ADAM22: variants seen among roughly 807,000 people sequenced by gnomAD.
The protein encoded by ADAM22 is ADAM metallopeptidase domain 22, also known as disintegrin and metalloproteinase domain-containing protein 22.
In ADAM22, 65 loss-of-function variants were observed where a neutral mutation model predicts 144.6. That is an observed-to-expected ratio of 0.45 (90% CI 0.37 to 0.55). The LOEUF (loss-of-function observed/expected upper bound fraction) is 0.55, where lower values mean the gene tolerates loss of function less well. ADAM22 is among the 20% of genes least tolerant of loss of function. ADAM22 has a pLI of 0.00. For missense variants in ADAM22, 974 were observed against 1,184.9 expected, an observed-to-expected ratio of 0.82 and a Z score of 2.61; for synonymous variants, 391 against 412.6, an observed-to-expected ratio of 0.95 and a Z score of 0.63.
chr7:88,129,919 G>A (rs986438683), intron 9 of ADAM22, among the ~76,000 whole-genome samples: 29 of 152,184 alleles, frequency 1.9e-4, no homozygotes, highest in African/African-American at 6.3e-4. Flanking sequence ...ATGCCACCTC[G>A]TTGTGACCTT....
intron 3 of ADAM22, among the ~76,000 whole-genome samples, chr7:87,985,267 C>T (rs1429106215): frequency 6.6e-6 from 1 of 150,650 alleles, no homozygotes; most frequent in East Asian, 1.9e-4. Context: ...GAGCCGAGAT[C>T]GCACCACTGC....
At position 88,200,259 on chromosome 7, in the gene ADAM22, TTTC is replaced by T. The variant is rs1170684005; in HGVS notation, c.*3771_*3773del. Reference sequence around the variant, plus strand: ...ACCATATATATAGTACTTTAAATATTTTCTTATGTTATTATTTAACACAATAAT... The same window carrying T: ...ACCATATATATAGTACTTTAAATATTTTATGTTATTATTTAACACAATAAT... On this transcript the variant is annotated 3_prime_UTR_variant, in exon 32 of 32. Coordinates refer to ENST00000413139, the MANE Select transcript of ADAM22 (RefSeq NM_001324418.2). The T allele has an allele frequency of 6.6e-6, 1 of 152,244 alleles. No individual in the cohort carries two copies. The highest frequency in any genetic ancestry group is 2.4e-5 in the African/African-American group (1 of 41,466). The allele number at this position is 152,244 out of a possible 1,614,324, so 9.4% of individuals were successfully genotyped here. A position where few individuals can be genotyped will look rare whatever the true frequency, so the allele number is the denominator to read the frequency against.
intron 14 of ADAM22, among the ~76,000 whole-genome samples, chr7:88,137,458 A>G (rs1477502180): frequency 1.3e-5 from 2 of 152,218 alleles, no homozygotes; most frequent in Admixed American, 6.5e-5. Context: ...TTTGCTAACC[A>G]TAATACTACA....
At chr7:88,131,509 C>A (rs770280714) in intron 11 of ADAM22, 74 bp downstream of exon 11, 4 of 1,470,624 alleles carry the variant, frequency 2.7e-6, no homozygotes, top group Admixed American at 3.4e-5. Context: ...TGAAATGTAT[C>A]CTTTCTGCTA....
chr7:88,096,436 A>G (rs1340466543), intron 4 of ADAM22, among the ~76,000 whole-genome samples: 2 of 151,674 alleles, frequency 1.3e-5, no homozygotes, highest in African/African-American at 4.8e-5. Context: ...AATTTACTCA[A>G]GTACCATTTT....
chr7:88,183,622 TAATTA>T (rs950121225), intron 29 of ADAM22, among the ~76,000 whole-genome samples: 1 of 151,988 alleles, frequency 6.6e-6, no homozygotes, highest in African/African-American at 2.4e-5. Context: ...GCCTATGAGA[TAATTA>T]AATTATAATA....
At chr7:87,949,059 T>C (rs1844397245) in intron 2 of ADAM22, among the ~76,000 whole-genome samples, 1 of 152,244 alleles carries the variant, frequency 6.6e-6, no homozygotes, top group Admixed American at 6.5e-5. Flanking sequence ...TATGTAATGC[T>C]TTCGTTGGGA....
chr7:87,981,836 G>A (rs1021643100), intron 3 of ADAM22, among the ~76,000 whole-genome samples: 1 of 150,114 alleles, frequency 6.7e-6, no homozygotes, highest in Non-Finnish European at 1.5e-5. Flanking sequence ...TAAATGATGA[G>A]GATAACATTA....
chr7:88,080,688 T>C (rs1164137846), intron 4 of ADAM22, among the ~76,000 whole-genome samples: 1 of 151,938 alleles, frequency 6.6e-6, no homozygotes, highest in Non-Finnish European at 1.5e-5. Context: ...CCCACAGAAA[T>C]ACAAACTACC....
At chr7:88,083,857 G>T (rs1817675822) in intron 4 of ADAM22, among the ~76,000 whole-genome samples, 1 of 151,938 alleles carries the variant, frequency 6.6e-6, no homozygotes. Context: ...CTACAGAAAG[G>T]ACAGGATTCA....
chr7:88,021,728 A>C (rs1243957152), intron 3 of ADAM22, among the ~76,000 whole-genome samples: 1 of 152,310 alleles, frequency 6.6e-6, no homozygotes, highest in East Asian at 1.9e-4. Flanking sequence ...TATTCAAAAT[A>C]TTATGTATGT....
At chr7:88,101,438 G>A (rs1255260446) in intron 4 of ADAM22, among the ~76,000 whole-genome samples, 2 of 152,134 alleles carry the variant, frequency 1.3e-5, no homozygotes, top group Non-Finnish European at 2.9e-5. Flanking sequence ...GACCCTTTTA[G>A]CATGACCAAA....
At chr7:88,014,043 T>C (rs952916470) in intron 3 of ADAM22, among the ~76,000 whole-genome samples, 1 of 152,190 alleles carries the variant, frequency 6.6e-6, no homozygotes, top group African/African-American at 2.4e-5. Context: ...ATCATAGGTT[T>C]GATATGCTAA....
intron 25 of ADAM22, among the ~76,000 whole-genome samples, chr7:88,170,528 A>G (rs1446554275): frequency 1.3e-5 from 2 of 151,962 alleles, no homozygotes; most frequent in Non-Finnish European, 2.9e-5. Flanking sequence ...AATAAAAAGC[A>G]AAACATGTTG....
At chr7:88,064,304 G>GTCCAGAGAA (rs1810635265) in intron 3 of ADAM22, among the ~76,000 whole-genome samples, 1 of 152,172 alleles carries the variant, frequency 6.6e-6, no homozygotes, top group Admixed American at 6.5e-5. Flanking sequence ...GGGTTTAGTG[G>GTCCAGAGAA]TCCAGAGAAT....
rs969223665 is a variant in ADAM22, at chr7:88,200,126, C to T, written c.*3635C>T. 5.9e-5 allele frequency: 9 copies of T among 152,124 alleles called. No individual in the cohort carries two copies. Among genetic ancestry groups the T allele is most frequent in the African/African-American group, 2.2e-4 (9 of 41,448 alleles). 9.4% of individuals were successfully genotyped at this position (152,124 alleles called of 1,614,324 possible). A position where few individuals can be genotyped will look rare whatever the true frequency, so the allele number is the denominator to read the frequency against. Reference sequence around the variant, plus strand: ...GTTCTTTATGTTTTACAGTTACCTTCGGACCAGAAGATATATGGTATTTTT... The same window carrying T: ...GTTCTTTATGTTTTACAGTTACCTTTGGACCAGAAGATATATGGTATTTTT... On this transcript the variant is annotated 3_prime_UTR_variant, in exon 32 of 32. Transcript: ENST00000413139.
intron 2 of ADAM22, among the ~76,000 whole-genome samples, chr7:87,973,471 C>A (rs1851025420): frequency 6.6e-6 from 1 of 151,944 alleles, no homozygotes. Flanking sequence ...GAAATAGGAA[C>A]ACTTTTACAC....
intron 14 of ADAM22, among the ~76,000 whole-genome samples, chr7:88,138,827 T>C (rs1833757361): frequency 6.6e-6 from 1 of 152,208 alleles, no homozygotes; most frequent in African/African-American, 2.4e-5. Context: ...AGGTCAGATG[T>C]GGCAAAATAA....
At chr7:87,948,956 A>G (rs769557868) in intron 2 of ADAM22, among the ~76,000 whole-genome samples, 10 of 152,232 alleles carry the variant, frequency 6.6e-5, no homozygotes, top group Non-Finnish European at 1.0e-4. Flanking sequence ...TCTTTCACCA[A>G]AAATGCAGGA....
Sources: allele counts gnomAD v4.1 joint callset (sites outside exome capture counted in the v4.1 genomes callset), GRCh38; gene constraint gnomAD v4.1.1; transcripts MANE v1.5; gene names NCBI Gene and HGNC (gene_info 2026-07-23, HGNC 2026-07-21).